DEK: variants seen among roughly 807,000 people sequenced by gnomAD.
DEK encodes the protein DEK proto-oncogene, also known as protein DEK.
DEK carries 28 observed loss-of-function variants against 46.8 expected under a neutral mutation model. The observed-to-expected ratio is 0.60, with a 90% CI of 0.44 to 0.82. The LOEUF (loss-of-function observed/expected upper bound fraction) is 0.82. Ranked by LOEUF, DEK falls within the 40% of genes least tolerant of loss-of-function variation. The pLI, the probability that DEK is intolerant of heterozygous loss-of-function variation, is 0.00. For synonymous variants in DEK, 160 were observed against 144.5 expected (o/e 1.11, Z -0.77); for missense variants, 416 against 430.6 (o/e 0.97, Z 0.30).
intron 9 of DEK, among the ~76,000 whole-genome samples, chr6:18,226,516 C>T (rs1362503045): frequency 1.3e-5 from 2 of 152,224 alleles, no homozygotes; most frequent in Non-Finnish European, 2.9e-5. Context: ...TGATGGCTCA[C>T]GCCTGTAATT....
chr6:18,228,264 G>A (rs1790225575), intron 9 of DEK, among the ~76,000 whole-genome samples: 1 of 152,176 alleles, frequency 6.6e-6, no homozygotes, highest in Admixed American at 6.5e-5. Context: ...AGATGTGGCT[G>A]TATTACAATA....
At chr6:18,248,103 C>T (rs1791204671) in intron 7 of DEK, among the ~76,000 whole-genome samples, 1 of 152,106 alleles carries the variant, frequency 6.6e-6, no homozygotes, top group African/African-American at 2.4e-5. Flanking sequence ...CACCAGGCAC[C>T]GCTCTAAGTA....
At chr6:18,263,103 G>A (rs931122722) in intron 2 of DEK, among the ~76,000 whole-genome samples, 3 of 152,154 alleles carry the variant, frequency 2.0e-5, no homozygotes, top group Admixed American at 1.3e-4. Context: ...ACCTGAAACA[G>A]ACACTGCATG....
Position 18,255,826 on chromosome 6 carries a change from T to C in DEK, c.478A>G (p.Ile160Val), listed in dbSNP as rs1132870. ...KKFRNAMLKS[I>V]CEVLDLERSG... is the part of the protein sequence containing the mutation. ...CTCTCCAAATCAAGAACCTCACAGA[T>C]GCTCTTTAACATGGCATTTCTAAAT... The change falls in exon 6 of 11, where the codon ATC (isoleucine) becomes GTC (valine). Residue 160 changes from isoleucine (I) to valine (V), a missense_variant. Ile to Val is a conservative substitution (Grantham distance 29, BLOSUM62 3). Transcript: ENST00000652689. The C allele has an allele frequency of 3.0e-5, 48 of 1,609,056 alleles. No homozygotes were observed. Among genetic ancestry groups the C allele is most frequent in the African/African-American group, 4.0e-5 (3 of 74,582 alleles).
intron 7 of DEK, among the ~76,000 whole-genome samples, chr6:18,239,745 A>G (rs1371174570): frequency 6.6e-6 from 1 of 152,160 alleles, no homozygotes; most frequent in Non-Finnish European, 1.5e-5. Context: ...CTATGGGACA[A>G]GTATCAATGA....
At chr6:18,226,385 C>G (rs969891299) in intron 9 of DEK, 143 bp from the exon 10 acceptor site, 3 of 622,536 alleles carry the variant, frequency 4.8e-6, no homozygotes, top group South Asian at 3.1e-5. Flanking sequence ...ATATGGAATT[C>G]TATTCCAAAT....
intron 7 of DEK, among the ~76,000 whole-genome samples, chr6:18,245,973 G>T (rs912546406): frequency 1.3e-5 from 2 of 152,234 alleles, no homozygotes; most frequent in African/African-American, 4.8e-5. Context: ...CTTGCTTGCT[G>T]CCGCGTAAGA....
intron 2 of DEK, among the ~76,000 whole-genome samples, chr6:18,262,016 A>G (rs1173912074): frequency 1.3e-5 from 2 of 152,124 alleles, no homozygotes; most frequent in Non-Finnish European, 2.9e-5. Context: ...ATGGGGGCAG[A>G]TCCCTCATGA....
intron 2 of DEK, among the ~76,000 whole-genome samples, chr6:18,258,785 C>T (rs532043726): frequency 2.0e-5 from 3 of 152,168 alleles, no homozygotes; most frequent in South Asian, 4.1e-4. Flanking sequence ...GTTTGCTGTA[C>T]TTCAGGAATA....
intron 9 of DEK, among the ~76,000 whole-genome samples, chr6:18,230,669 G>T (rs1433404073): frequency 6.6e-6 from 1 of 152,048 alleles, no homozygotes; most frequent in African/African-American, 2.4e-5. Flanking sequence ...ATTCAACAAG[G>T]AGAGCTAACT....
At chr6:18,232,681 A>C (rs1790462171) in intron 9 of DEK, among the ~76,000 whole-genome samples, 2 of 152,214 alleles carry the variant, frequency 1.3e-5, no homozygotes, top group African/African-American at 4.8e-5. Flanking sequence ...TTCAAGGAGA[A>C]CTACAAGCCA....
chr6:18,246,765 T>C (rs536151962), intron 7 of DEK, among the ~76,000 whole-genome samples: 43 of 152,330 alleles, frequency 2.8e-4, no homozygotes, highest in South Asian at 1.7e-3. Flanking sequence ...TAGAGTATAT[T>C]TGACTATACA....
At chr6:18,263,718 C>T (rs1791975848) in intron 2 of DEK, 125 bp downstream of exon 2, 1 of 1,584,890 alleles carries the variant, frequency 6.3e-7, no homozygotes. Flanking sequence ...CACACATTCT[C>T]GCTGAAAATC....
chr6:18,264,058 G>A (rs1357588633), intron 1 of DEK, 62 bp from the exon 2 acceptor site: 8 of 1,477,194 alleles, frequency 5.4e-6, no homozygotes, highest in Non-Finnish European at 6.3e-6. Context: ...GGACCGGGCG[G>A]CCACCCTGAA....
intron 6 of DEK, among the ~76,000 whole-genome samples, chr6:18,251,584 A>G (rs1438216902): frequency 1.3e-5 from 2 of 152,240 alleles, no homozygotes; most frequent in East Asian, 1.9e-4. Flanking sequence ...AAGATTCTCT[A>G]TAAGAAATCG....
chr6:18,239,085 C>T (rs1426712626), intron 7 of DEK, among the ~76,000 whole-genome samples: 3 of 152,028 alleles, frequency 2.0e-5, no homozygotes, highest in Non-Finnish European at 2.9e-5. Flanking sequence ...CCACCACACC[C>T]GGCTACTTTT....
At chr6:18,240,166 T>C (rs762711514) in intron 7 of DEK, among the ~76,000 whole-genome samples, 21 of 152,348 alleles carry the variant, frequency 1.4e-4, no homozygotes, top group Non-Finnish European at 2.2e-4. Context: ...TAGTGACAGT[T>C]TGTCAAAGCA....
At chr6:18,255,993 C>CTTT in intron 5 of DEK, 142 bp from the exon 6 acceptor site, 5 of 717,186 alleles carry the variant, frequency 7.0e-6, no homozygotes, top group Non-Finnish European at 7.9e-6. Flanking sequence ...AATCTTTTTT[C>CTTT]TTTTTTTTTT....
chr6:18,232,575 CAG>C (rs1157163060), intron 9 of DEK, among the ~76,000 whole-genome samples: 1 of 152,092 alleles, frequency 6.6e-6, no homozygotes. Flanking sequence ...CCATAACAGA[CAG>C]AGAGCCAAAT....
Sources: gnomAD v4.1 joint callset for allele counts (sites outside exome capture counted in the v4.1 genomes callset) on GRCh38, gnomAD v4.1.1 for gene constraint, MANE v1.5 for transcripts, NCBI Gene and HGNC (gene_info 2026-07-23, HGNC 2026-07-21) for gene names.